SDF2: variants seen among roughly 807,000 people sequenced by gnomAD.
SDF2 encodes stromal cell-derived factor 2.
In SDF2, 12 loss-of-function variants were observed where a neutral mutation model predicts 20.5. The ratio of observed to expected loss-of-function variants is 0.58; its 90% CI spans 0.37 to 0.95. The LOEUF (loss-of-function observed/expected upper bound fraction) is 0.95. SDF2 is among the 40% of genes least tolerant of loss of function. The pLI is 0.01. For synonymous variants in SDF2, 100 were observed against 101.0 expected (o/e 0.99, Z 0.06); for missense variants, 238 against 263.1 (o/e 0.90, Z 0.66).
intron 1 of SDF2, chr17:28,657,942 G>A (rs766024303): frequency 6.6e-6 from 1 of 152,222 alleles, no homozygotes; most frequent in Non-Finnish European, 1.5e-5. Flanking sequence ...TTGAGCCCAG[G>A]AGGTCAAGGC....
chr17:28,661,108 T>G, intron 1 of SDF2: 2 of 385,756 alleles, frequency 5.2e-6, no homozygotes, highest in Non-Finnish European at 4.9e-6. Context: ...AAAAAAGCAG[T>G]TTTCTCTGCA....
At chr17:28,661,583 G>C in intron 1 of SDF2, 143 bp downstream of exon 1, 1 of 831,358 alleles carries the variant, frequency 1.2e-6, no homozygotes, top group East Asian at 2.5e-5. Context: ...GAACAATTCA[G>C]TTCTCCGACT....
intron 2 of SDF2, among the ~76,000 whole-genome samples, chr17:28,654,616 G>A (rs1043374311): frequency 2.0e-4 from 30 of 151,996 alleles, no homozygotes; most frequent in African/African-American, 7.3e-4. Context: ...AGGAGTTCGA[G>A]ACCAGCCTGA....
At chr17:28,649,852 G>A (rs1327934052) in intron 2 of SDF2, among the ~76,000 whole-genome samples, 1 of 147,110 alleles carries the variant, frequency 6.8e-6, no homozygotes, top group African/African-American at 2.5e-5. Context: ...AATGAGCTGT[G>A]ATCATACCAC....
chr17:28,659,583 G>A (rs1207658027), intron 1 of SDF2, among the ~76,000 whole-genome samples: 4 of 150,812 alleles, frequency 2.7e-5, no homozygotes, highest in Non-Finnish European at 4.4e-5. Context: ...GCCGGGCAGA[G>A]GCGCTCCTCA....
intron 1 of SDF2, 105 bp from the exon 2 acceptor site, chr17:28,655,588 C>A: frequency 1.0e-6 from 1 of 962,278 alleles, no homozygotes; most frequent in African/African-American, 1.6e-5. Flanking sequence ...TGTAACCCAC[C>A]ACCATGACCA....
At position 28,649,077 on chromosome 17, in the gene SDF2, C is replaced by T. The variant is rs774173525; in HGVS notation, c.548G>A (p.Ser183Asn). The T allele has an allele frequency of 4.3e-6, 7 of 1,614,120 alleles. No homozygotes were observed. In the Admixed American group the frequency reaches 6.7e-5, roughly 15 times the overall value. ...QKEVHGMAQP[S>N]QNNYWKAMEG... ...CATGGCTTTCCAGTAGTTGTTCTGACTTGGCTGGGCCATGCCATGCACCTC... is the reference window on the plus strand; with the variant it reads ...CATGGCTTTCCAGTAGTTGTTCTGATTTGGCTGGGCCATGCCATGCACCTC... Residue 183 changes from serine to asparagine, a missense_variant, in exon 3 of 3, where the codon AGT (serine) becomes AAT (asparagine). Coordinates refer to ENST00000247020, the MANE Select transcript of SDF2 (RefSeq NM_006923.4).
intron 1 of SDF2, chr17:28,660,839 T>C (rs1339008530): frequency 6.1e-6 from 1 of 164,776 alleles, no homozygotes; most frequent in Non-Finnish European, 1.3e-5. Context: ...CCAGCTATCT[T>C]AGATGCCTCT....
chr17:28,656,720 G>GT (rs948629052), intron 1 of SDF2, among the ~76,000 whole-genome samples: 1 of 152,222 alleles, frequency 6.6e-6, no homozygotes, highest in Non-Finnish European at 1.5e-5. Flanking sequence ...ATCTATGTGA[G>GT]TTTTTTGAGG....
rs1371173370 is a variant in SDF2 at position 28,655,395 on chromosome 17, A to G, written c.240T>C (p.Cys80=). The part of the protein sequence containing the change: ...WRIRGKSATV[C]ERGTPIKCGQ... Reference sequence around the variant, plus strand: ...CACACTTGATGGGGGTTCCCCTCTCACACACTGTGGCACTCTTCCCCCGTA... The same window carrying G: ...CACACTTGATGGGGGTTCCCCTCTCGCACACTGTGGCACTCTTCCCCCGTA... Residue 80 remains cysteine, a synonymous_variant, in exon 2 of 3, where the codon TGT becomes TGC. Coordinates refer to ENST00000247020, the MANE Select transcript of SDF2 (RefSeq NM_006923.4). 1 of 1,614,220 alleles carries G rather than the reference A, an allele frequency of 6.2e-7. No individual in the cohort carries two copies. The highest frequency in any genetic ancestry group is 2.2e-5 in the East Asian group (1 of 44,882).
At chr17:28,661,550 G>A (rs1403596586) in intron 1 of SDF2, among the ~76,000 whole-genome samples, 176 bp downstream of exon 1, 1 of 152,200 alleles carries the variant, frequency 6.6e-6, no homozygotes, top group Non-Finnish European at 1.5e-5. Flanking sequence ...AATATTAGGT[G>A]GTGTTGCGAT....
At chr17:28,660,797 C>G in intron 1 of SDF2, 1 of 162,268 alleles carries the variant, frequency 6.2e-6, no homozygotes, top group Non-Finnish European at 1.3e-5. Context: ...CCTCAGCAAA[C>G]AGCATCATCA....
At chr17:28,657,149 T>A (rs1347374659) in intron 1 of SDF2, among the ~76,000 whole-genome samples, 1 of 151,906 alleles carries the variant, frequency 6.6e-6, no homozygotes. Flanking sequence ...ATTGCTTGCA[T>A]CCGGGAGGCG....
chr17:28,651,600 C>T (rs551906264), intron 2 of SDF2: 2 of 152,282 alleles, frequency 1.3e-5, no homozygotes, highest in South Asian at 4.1e-4. Context: ...AATGAGATAG[C>T]AAATATTAAC....
At chr17:28,658,461 T>C (rs947500866) in intron 1 of SDF2, among the ~76,000 whole-genome samples, 1 of 152,196 alleles carries the variant, frequency 6.6e-6, no homozygotes, top group African/African-American at 2.4e-5. Context: ...TGATGACTCT[T>C]AACGAGCATG....
rs748317658 is a variant in SDF2 at position 28,661,814 on chromosome 17, C to CA, written c.62dup (p.Val23CysfsTer30). The CA allele has an allele frequency of 6.2e-7, 1 of 1,614,144 alleles. No individual in the cohort carries two copies. Among genetic ancestry groups the CA allele is most frequent in the Non-Finnish European group, 8.5e-7 (1 of 1,180,022 alleles). On this transcript the variant is annotated frameshift_variant, in exon 1 of 3. Coordinates refer to ENST00000247020, the MANE Select transcript of SDF2 (RefSeq NM_006923.4). LOFTEE classifies it high-confidence loss of function. ...CCACGGAGCCGCAAGTAACGACACC[C>CA]AGGCTGGACGCTCCCACAGCGCTCC... is the stretch of plus-strand genomic sequence containing the variant.
chr17:28,651,705 A>G (rs142678246), intron 2 of SDF2: 1 of 152,354 alleles, frequency 6.6e-6, no homozygotes, highest in Non-Finnish European at 1.5e-5. Context: ...CTCCTCATCT[A>G]AATCCCATCT....
intron 2 of SDF2, among the ~76,000 whole-genome samples, chr17:28,650,503 T>G (rs2071904919): frequency 6.6e-6 from 1 of 151,710 alleles, no homozygotes; most frequent in East Asian, 1.9e-4. Context: ...GTTGGGATTG[T>G]GGCCAGGTAC....
Position 28,661,715 on chromosome 17 carries a change from C to T in SDF2, c.151+11G>A, listed in dbSNP as rs1307658006. ...CTCCCTAGCCCACCCGAGCCCGGTC[C>T]CCAGCATTACCTGACCCATAGCGCA... is the stretch of plus-strand genomic sequence containing the variant. On this transcript the variant is annotated intron_variant, in intron 1 of 2. Coordinates refer to ENST00000247020, the MANE Select transcript of SDF2 (RefSeq NM_006923.4). 1 of 1,606,958 alleles carries T rather than the reference C, an allele frequency of 6.2e-7. No individual in the cohort carries two copies. The highest frequency in any genetic ancestry group is 1.3e-5 in the African/African-American group (1 of 74,784).
Sources: allele counts gnomAD v4.1 joint callset (sites outside exome capture counted in the v4.1 genomes callset), GRCh38; gene constraint gnomAD v4.1.1; transcripts MANE v1.5; gene names NCBI Gene and HGNC (gene_info 2026-07-23, HGNC 2026-07-21).